The following DPH5 variants were observed in gnomAD, a reference collection of about 807,000 sequenced individuals.
The protein encoded by DPH5 is diphthine methyl ester synthase.
In DPH5, 31 loss-of-function variants were observed where a neutral mutation model predicts 31.6. The ratio of observed to expected loss-of-function variants is 0.98; its 90% CI spans 0.74 to 1.32. The LOEUF is 1.32. Ranked by LOEUF, DPH5 falls within the 40% of genes most tolerant of loss-of-function variation. DPH5 has a pLI of 0.00. For missense variants in DPH5, 309 were observed against 335.7 expected (o/e 0.92, Z 0.62); for synonymous variants, 120 against 115.0 (o/e 1.04, Z -0.28).
chr1:100,998,802 G>A (rs1034501408), intron 5 of DPH5, among the ~76,000 whole-genome samples: 1 of 152,198 alleles, frequency 6.6e-6, no homozygotes, highest in African/African-American at 2.4e-5. Context: ...AGAAAGTAGT[G>A]TAAGGTTATA....
chr1:101,023,226 TAA>T (rs1491163417), intron 2 of DPH5: 1 of 151,998 alleles, frequency 6.6e-6, no homozygotes, highest in Non-Finnish European at 1.5e-5. Flanking sequence ...ATAATAATAA[TAA>T]AAAGAGTGGC....
rs1338108209 is a variant in DPH5 at position 101,025,619 on chromosome 1, A to G, written c.-24+64T>C. 9.5e-6 allele frequency: 7 copies of G among 737,012 alleles called. No homozygotes were observed. The South Asian group carries it at 1.3e-4, about 14-fold the overall frequency. The allele number at this position is 737,012 out of a possible 1,614,324, so 45.7% of individuals were successfully genotyped here. On this transcript the variant is annotated intron_variant, in intron 1 of 7. Transcript: ENST00000370109. ...TATGTCACGCTTAAGAACTGGGATAAGAGGTTTTAAACAACCCTACCAGTT... is the reference window on the plus strand; with the variant it reads ...TATGTCACGCTTAAGAACTGGGATAGGAGGTTTTAAACAACCCTACCAGTT...
At position 101,025,771 on chromosome 1, in the gene DPH5, C is replaced by A. The variant is rs565958255; in HGVS notation, c.-112G>T. ...GAAGCAACTGCAAAAGCGCCGGCTC[C>A]GTGCAGAGAAAAGGCCCACGCCGCC... On this transcript the variant is annotated 5_prime_UTR_variant, in exon 1 of 8. Transcript: ENST00000370109. 1 of 272,126 alleles carries A rather than the reference C, an allele frequency of 3.7e-6. No homozygotes were observed. The highest frequency in any genetic ancestry group is 9.5e-5 in the East Asian group (1 of 10,582). The allele number at this position is 272,126 out of a possible 1,614,324, so 16.9% of individuals were successfully genotyped here.
At chr1:101,017,278 G>T (rs1050284803) in intron 3 of DPH5, among the ~76,000 whole-genome samples, 2 of 152,156 alleles carry the variant, frequency 1.3e-5, no homozygotes, top group Non-Finnish European at 2.9e-5. Flanking sequence ...TTCACAGCTT[G>T]TCACTCAGTC....
Position 101,002,312 on chromosome 1 carries a change from A to G in DPH5, c.370-725T>C, listed in dbSNP as rs185256762. Among the ~76,000 whole-genome samples, 168 of 152,296 alleles carry G rather than the reference A, an allele frequency of 1.1e-3. 1 individual carries two copies. Among genetic ancestry groups the G allele is most frequent in the African/African-American group, 3.9e-3 (162 of 41,550 alleles). On this transcript the variant is annotated intron_variant, in intron 4 of 7. Coordinates refer to ENST00000370109, the MANE Select transcript of DPH5 (RefSeq NM_015958.3). ...GAACTAGCTCACTTAAGTGAGTCCA[A>G]TTTCAAATCTTATGTGAGAAAATCT...
At chr1:101,024,626 T>TC (rs1166344161) in intron 2 of DPH5, among the ~76,000 whole-genome samples, 6 of 152,340 alleles carry the variant, frequency 3.9e-5, no homozygotes, top group African/African-American at 1.4e-4. Context: ...TGATTTACAT[T>TC]CTACTTAGAG....
At chr1:101,012,090 G>C (rs557049191) in intron 4 of DPH5, among the ~76,000 whole-genome samples, 1 of 151,482 alleles carries the variant, frequency 6.6e-6, no homozygotes, top group South Asian at 2.1e-4. Flanking sequence ...TAGTAGAGAC[G>C]GGGTTTCACC....
intron 4 of DPH5, among the ~76,000 whole-genome samples, chr1:101,008,118 TG>T (rs1422521686): frequency 2.0e-5 from 3 of 152,252 alleles, no homozygotes; most frequent in African/African-American, 7.2e-5. Context: ...GAAAAGAGGC[TG>T]GCTTTTTGGC....
At chr1:100,995,221 T>A in intron 5 of DPH5, 72 bp from the exon 6 acceptor site, 1 of 1,035,216 alleles carries the variant, frequency 9.7e-7, no homozygotes, top group Non-Finnish European at 1.5e-6. Flanking sequence ...TAAACCTCAG[T>A]TAAGAGTCAC....
chr1:100,992,681 A>G lies in DPH5; in HGVS notation c.590T>C (p.Leu197Pro). The change falls in exon 7 of 8, where the codon CTT (leucine) becomes CCT (proline). Residue 197 changes from leucine to proline, a missense_variant. Leu to Pro is a moderately conservative substitution (Grantham distance 98). Coordinates refer to ENST00000370109, the MANE Select transcript of DPH5 (RefSeq NM_015958.3). Reference protein sequence around the residue: ...YMSVNQAAQQLLEIVQNQRIR... With the variant: ...YMSVNQAAQQPLEIVQNQRIR... The stretch of plus-strand genomic sequence containing the variant: ...TCTTTGATTTTGAACAATCTCCAGA[A>G]GCTGCTGGGCTGCTTGGTTTACACT... 6.2e-7 allele frequency: 1 copy of G among 1,613,970 alleles called. No homozygotes were observed. Among genetic ancestry groups the G allele is most frequent in the South Asian group, 1.1e-5 (1 of 91,070 alleles).
chr1:101,014,754 T>C (rs1659945987), intron 3 of DPH5, among the ~76,000 whole-genome samples: 1 of 152,230 alleles, frequency 6.6e-6, no homozygotes, highest in Admixed American at 6.5e-5. Flanking sequence ...GAGCCAATCT[T>C]CTCAAACCCT....
At chr1:100,998,690 G>T (rs1191969981) in intron 5 of DPH5, among the ~76,000 whole-genome samples, 1 of 152,136 alleles carries the variant, frequency 6.6e-6, no homozygotes, top group Non-Finnish European at 1.5e-5. Context: ...TAGACTTCTA[G>T]ACATTAGGAA....
At position 100,999,945 on chromosome 1, in the gene DPH5, C is replaced by A. The variant is rs369261592; in HGVS notation, c.490+1522G>T. ...GGATCATGAGGTCAGGAGATGGAGA[C>A]CACCCTGGCTAACATGGTGAAACCC... On this transcript the variant is annotated intron_variant, in intron 5 of 7. Coordinates refer to ENST00000370109, the MANE Select transcript of DPH5 (RefSeq NM_015958.3). 1.6e-4 allele frequency among the ~76,000 whole-genome samples: 25 copies of A among 151,992 alleles called. No individual in the cohort carries two copies. In the East Asian group the frequency reaches 4.8e-3, roughly 29 times the overall value.
intron 2 of DPH5, chr1:101,023,346 A>T (rs773825547): frequency 6.6e-6 from 1 of 152,232 alleles, no homozygotes; most frequent in Non-Finnish European, 1.5e-5. Flanking sequence ...AATGAACAGT[A>T]ATTAGAATAA....
chr1:101,021,246 A>G (rs181771447), intron 3 of DPH5, among the ~76,000 whole-genome samples: 23 of 152,334 alleles, frequency 1.5e-4, no homozygotes, highest in Non-Finnish European at 2.9e-4. Context: ...AGGAAAAAAA[A>G]CCTAGGACAA....
At chr1:101,009,997 C>T (rs534100483) in intron 4 of DPH5, among the ~76,000 whole-genome samples, 1 of 152,280 alleles carries the variant, frequency 6.6e-6, no homozygotes, top group East Asian at 1.9e-4. Flanking sequence ...GATACCTTCC[C>T]GACCTCAGTA....
intron 2 of DPH5, 133 bp downstream of exon 2, chr1:101,025,176 A>G (rs1176050685): frequency 1.8e-6 from 2 of 1,115,168 alleles, no homozygotes; most frequent in Admixed American, 2.9e-5. Flanking sequence ...TGCTCCTCAG[A>G]TCATTAATGA....
At chr1:101,009,846 C>G (rs1659502756) in intron 4 of DPH5, among the ~76,000 whole-genome samples, 1 of 152,228 alleles carries the variant, frequency 6.6e-6, no homozygotes, top group Non-Finnish European at 1.5e-5. Flanking sequence ...CCCTTGCCTG[C>G]TATGGTCCAA....
chr1:101,013,695 C>T lies in DPH5; in HGVS notation c.369+15G>A. On this transcript the variant is annotated intron_variant, in intron 4 of 7. Coordinates refer to ENST00000370109, the MANE Select transcript of DPH5 (RefSeq NM_015958.3). ...TTTATTTAATTCCACTGAAAAACCT[C>T]CTTTGTTGCATTACCTGTAAACCAC... is the stretch of plus-strand genomic sequence containing the variant. 1 of 1,512,054 alleles carries T rather than the reference C, an allele frequency of 6.6e-7. No individual in the cohort carries two copies. Among genetic ancestry groups the T allele is most frequent in the Non-Finnish European group, 9.0e-7 (1 of 1,109,888 alleles). 93.7% of individuals were successfully genotyped at this position (1,512,054 alleles called of 1,614,324 possible).
Sources: allele counts gnomAD v4.1 joint callset (sites outside exome capture counted in the v4.1 genomes callset), GRCh38; gene constraint gnomAD v4.1.1; transcripts MANE v1.5; gene names NCBI Gene and HGNC (gene_info 2026-07-23, HGNC 2026-07-21).